Variants in ANAPC15 observed in about 807,000 individuals in gnomAD.
The protein encoded by ANAPC15 is anaphase promoting complex subunit 15.
Under a neutral mutation model 19.8 loss-of-function variants are expected in ANAPC15, and 13 were observed. The observed-to-expected ratio is 0.66, with a 90% CI of 0.43 to 1.04. The LOEUF (loss-of-function observed/expected upper bound fraction) is 1.04, where lower values mean the gene tolerates loss of function less well. ANAPC15 is among the 50% of genes least tolerant of loss of function. The pLI, the probability that ANAPC15 is intolerant of heterozygous loss-of-function variation, is 0.00. For synonymous variants in ANAPC15, 45 were observed against 50.7 expected (o/e 0.89, Z 0.47); for missense variants, 88 against 150.3 (o/e 0.59, Z 2.17).
At chr11:72,109,138 C>A, downstream of ANAPC15, 1 of 569,152 alleles carries the variant, frequency 1.8e-6, no homozygotes, top group Non-Finnish European at 3.2e-6. Flanking sequence ...CCCCCTCTTT[C>A]CAGAGAGAAC....
rs375515751 is a variant in ANAPC15 at position 72,109,836 on chromosome 11, T to C, written c.*45A>G. ...GTTGGGGGTTGGGATGCAGGGTAGTTTGGGCTGGCCTGGAATCTCCCTGAG... is the reference window on the plus strand; with the variant it reads ...GTTGGGGGTTGGGATGCAGGGTAGTCTGGGCTGGCCTGGAATCTCCCTGAG... On this transcript the variant is annotated 3_prime_UTR_variant, in exon 6 of 6. Coordinates refer to ENST00000227618, the MANE Select transcript of ANAPC15 (RefSeq NM_014042.3). 43 of 1,610,870 alleles carry C rather than the reference T, an allele frequency of 2.7e-5. No homozygotes were observed. The African/African-American group carries it at 5.7e-4, about 21-fold the overall frequency.
intron 3 of ANAPC15, 38 bp downstream of exon 3, chr11:72,111,119 G>A (rs11235439): frequency 2.4e-4 from 334 of 1,371,768 alleles, no homozygotes; most frequent in African/African-American, 5.4e-4. Flanking sequence ...GTCTCTGTCT[G>A]TGCTGAGGTC....
chr11:72,109,572 G>T (rs1197750610), downstream of ANAPC15: 1 of 493,028 alleles, frequency 2.0e-6, no homozygotes, highest in Non-Finnish European at 3.7e-6. Flanking sequence ...CCAACAAATA[G>T]GGAATAGACA....
In ANAPC15 at chr11:72,110,220, A is replaced by G; in HGVS notation, c.186T>C (p.Tyr62=). The change falls in exon 5 of 6, where the codon TAT becomes TAC. Residue 62 remains tyrosine, a synonymous_variant. Transcript: ENST00000227618. ...VPIGKPASEH[Y]DDEEEEDDED... Reference sequence around the variant, plus strand: ...CATCATCCTCTTCTTCCTCGTCATCATAGTGCTGGTGGGCAGGACAGAGCC... The same window carrying G: ...CATCATCCTCTTCTTCCTCGTCATCGTAGTGCTGGTGGGCAGGACAGAGCC... The G allele has an allele frequency of 6.2e-7, 1 of 1,613,682 alleles. No homozygotes were observed. Among genetic ancestry groups the G allele is most frequent in the Non-Finnish European group, 8.5e-7 (1 of 1,180,012 alleles).
chr11:72,108,787 C>T (rs375590805), downstream of ANAPC15: 163 of 1,550,434 alleles, frequency 1.1e-4, no homozygotes, highest in Non-Finnish European at 1.4e-4. Flanking sequence ...ACCATGTGCT[C>T]TTCCCTGGTG....
chr11:72,108,099 G>A, downstream of ANAPC15: 1 of 1,526,604 alleles, frequency 6.6e-7, no homozygotes, highest in Non-Finnish European at 8.8e-7. Context: ...CATCCGCCTG[G>A]CCGGCTTTGA....
At chr11:72,107,484 G>A (rs1347199976), downstream of ANAPC15, 1 of 702,884 alleles carries the variant, frequency 1.4e-6, no homozygotes, top group Non-Finnish European at 2.6e-6. Flanking sequence ...GGGTGGGAAG[G>A]GCAAAGCCAG....
At chr11:72,110,898 C>T (rs1389778491) in intron 3 of ANAPC15, 1 of 575,748 alleles carries the variant, frequency 1.7e-6, no homozygotes, top group Non-Finnish European at 3.1e-6. Flanking sequence ...AAAATTATTT[C>T]CTGTGCTTTA....
At chr11:72,109,161 G>A, downstream of ANAPC15, 1 of 549,574 alleles carries the variant, frequency 1.8e-6, no homozygotes, top group East Asian at 3.2e-5. Context: ...TGGACTGACA[G>A]CAAGAAGCCT....
chr11:72,106,471 C>T, downstream of ANAPC15: 1 of 378,408 alleles, frequency 2.6e-6, no homozygotes, highest in Non-Finnish European at 4.8e-6. Context: ...GCCACAAATG[C>T]TGGCCTCAAA....
At chr11:72,110,513 C>G (rs1225165355) in intron 4 of ANAPC15, 31 bp downstream of exon 4, 1 of 1,613,684 alleles carries the variant, frequency 6.2e-7, no homozygotes, top group East Asian at 2.2e-5. Context: ...CTGCGGCCCC[C>G]ACACAGGCCC....
At chr11:72,112,734 C>T (rs1006538422), upstream of ANAPC15, 105 of 456,694 alleles carry the variant, frequency 2.3e-4, 2 homozygotes, top group Admixed American at 1.4e-3. Flanking sequence ...CGGGACTCAC[C>T]AAACGCATGC....
intron 3 of ANAPC15, 81 bp from the exon 4 acceptor site, chr11:72,110,684 G>A: frequency 6.6e-7 from 1 of 1,506,914 alleles, no homozygotes; most frequent in East Asian, 2.3e-5. Flanking sequence ...ATTCTGCCCA[G>A]AAGACAACCC....
intron 1 of ANAPC15, chr11:72,111,878 A>G (rs1947068892): frequency 6.5e-6 from 1 of 153,184 alleles, no homozygotes; most frequent in Non-Finnish European, 1.5e-5. Context: ...GGAGGCATGA[A>G]TAAGTGGATA....
chr11:72,110,427 T>C, intron 4 of ANAPC15, 117 bp downstream of exon 4: 3 of 1,538,104 alleles, frequency 2.0e-6, no homozygotes, highest in Non-Finnish European at 2.7e-6. Flanking sequence ...CTTTTAGGCT[T>C]TTACCCAGAT....
chr11:72,107,850 ATT>A, downstream of ANAPC15: 1 of 1,508,216 alleles, frequency 6.6e-7, no homozygotes, highest in South Asian at 1.2e-5. Flanking sequence ...GCAGGTAGGC[ATT>A]TGAGATATCT....
At chr11:72,108,933 G>C (rs1026023983), downstream of ANAPC15, 10 of 1,511,570 alleles carry the variant, frequency 6.6e-6, no homozygotes, top group African/African-American at 1.2e-4. Flanking sequence ...TGAGGTCCAG[G>C]CCCAGGGGTA....
At chr11:72,107,665 T>A (rs547720360), downstream of ANAPC15, 22 of 619,468 alleles carry the variant, frequency 3.6e-5, no homozygotes, top group South Asian at 4.2e-4. Flanking sequence ...GAATCCCAAG[T>A]TCAATCCCAA....
At chr11:72,107,408 C>G (rs1426641058), downstream of ANAPC15, 6 of 699,396 alleles carry the variant, frequency 8.6e-6, no homozygotes, top group East Asian at 1.6e-4. Flanking sequence ...CCTGGGACTT[C>G]ATGGAGAAAG....
Sources: gnomAD v4.1 joint callset for allele counts on GRCh38, gnomAD v4.1.1 for gene constraint, MANE v1.5 for transcripts, NCBI Gene and HGNC (gene_info 2026-07-23, HGNC 2026-07-21) for gene names.